HMMR: variants seen among roughly 807,000 people sequenced by gnomAD.
The protein encoded by HMMR is hyaluronan mediated motility receptor.
In HMMR, 108 loss-of-function variants were observed where a neutral mutation model predicts 101.0. The observed-to-expected ratio is 1.07, with a 90% CI of 0.92 to 1.25. The LOEUF (loss-of-function observed/expected upper bound fraction) is 1.25. Ranked by LOEUF, HMMR falls within the 50% of genes most tolerant of loss-of-function variation. The pLI is 0.00. For synonymous variants in HMMR, 296 were observed against 276.4 expected (o/e 1.07, Z -0.70); for missense variants, 813 against 788.7 (o/e 1.03, Z -0.37).
intron 11 of HMMR, among the ~76,000 whole-genome samples, chr5:163,477,951 A>C (rs1321189842): frequency 6.6e-6 from 1 of 152,156 alleles, no homozygotes; most frequent in Non-Finnish European, 1.5e-5. Context: ...TTACAGAATG[A>C]ATTTGATCAG....
At chr5:163,487,290 T>G (rs1365220135) in intron 16 of HMMR, among the ~76,000 whole-genome samples, 9 of 152,178 alleles carry the variant, frequency 5.9e-5, no homozygotes, top group African/African-American at 2.2e-4. Flanking sequence ...TAAATCTCAC[T>G]TGGTTATGGC....
Position 163,464,773 on chromosome 5 carries a change from G to A in HMMR, c.196G>A (p.Ala66Thr). The change falls in exon 3 of 18, where the codon GCT (alanine) becomes ACT (threonine). Residue 66 changes from alanine to threonine, a missense_variant. Coordinates refer to ENST00000393915, the MANE Select transcript of HMMR (RefSeq NM_001142556.2). ...VDKDTTLPAS[A>T]RKVKSSESKK... ...CAAAGATACTACCTTGCCTGCTTCA[G>A]CTAGAAAAGTTAAGTCTTCGGAATC... 6.2e-7 allele frequency: 1 copy of A among 1,612,998 alleles called. No homozygotes were observed. The highest frequency in any genetic ancestry group is 2.2e-5 in the East Asian group (1 of 44,864).
intron 16 of HMMR, among the ~76,000 whole-genome samples, chr5:163,486,856 A>C (rs768671213): frequency 7.9e-5 from 12 of 152,244 alleles, no homozygotes; most frequent in African/African-American, 2.2e-4. Context: ...AGGCAGGTGG[A>C]TCACCTGAGG....
chr5:163,480,547 A>G (rs1314651865), intron 12 of HMMR, among the ~76,000 whole-genome samples: 7 of 152,290 alleles, frequency 4.6e-5, no homozygotes, highest in African/African-American at 1.4e-4. Flanking sequence ...GTATGTAAGA[A>G]TTTCTCTAAA....
intron 3 of HMMR, among the ~76,000 whole-genome samples, chr5:163,467,038 G>T (rs1428931192): frequency 6.6e-6 from 1 of 152,096 alleles, no homozygotes; most frequent in East Asian, 1.9e-4. Context: ...AAATTTCATG[G>T]AGTGTGAAAT....
chr5:163,488,773 C>T (rs1759572943), intron 16 of HMMR, among the ~76,000 whole-genome samples: 1 of 152,224 alleles, frequency 6.6e-6, no homozygotes, highest in Non-Finnish European at 1.5e-5. Context: ...ATAAACTAAT[C>T]CAATCAAATT....
intron 1 of HMMR, 36 bp from the exon 2 acceptor site, chr5:163,463,820 A>T: frequency 1.3e-6 from 1 of 799,144 alleles, no homozygotes; most frequent in Non-Finnish European, 1.9e-6. Context: ...CATAAGTAAC[A>T]TTAGATAATA....
rs1011859872 is a variant in HMMR, at chr5:163,464,622, C to T, written c.146-101C>T. Reference sequence around the variant, plus strand: ...GTGAGACTGTCTCAAAAAACAAAAACAAACAAAAAGAGAAAGACAAAAAAA... The same window carrying T: ...GTGAGACTGTCTCAAAAAACAAAAATAAACAAAAAGAGAAAGACAAAAAAA... On this transcript the variant is annotated intron_variant, in intron 2 of 17. Transcript: ENST00000393915. 10 of 810,028 alleles carry T rather than the reference C, an allele frequency of 1.2e-5. No individual in the cohort carries two copies. In the African/African-American group the frequency reaches 1.6e-4, roughly 13 times the overall value. 50.2% of individuals were successfully genotyped at this position (810,028 alleles called of 1,614,324 possible).
chr5:163,471,562 AG>A (rs1463744403), intron 7 of HMMR, 99 bp downstream of exon 7: 12 of 718,428 alleles, frequency 1.7e-5, no homozygotes, highest in South Asian at 1.6e-4. Flanking sequence ...ACCTTCTGTT[AG>A]TACTTATCTC....
In HMMR at chr5:163,469,636, T is replaced by C; in HGVS notation, c.274-5T>C. 8.1e-6 allele frequency: 13 copies of C among 1,606,276 alleles called. No individual in the cohort carries two copies. Among genetic ancestry groups the C allele is most frequent in the Non-Finnish European group, 1.0e-5 (12 of 1,177,474 alleles). On this transcript the variant is annotated splice_polypyrimidine_tract_variant and splice_region_variant and intron_variant, in intron 4 of 17. Transcript: ENST00000393915. ...ATCATTTATTATCACCTTGTTTTTGTCCAGATTCGTGTTCTTCTACAGGAA... is the reference window on the plus strand; with the variant it reads ...ATCATTTATTATCACCTTGTTTTTGCCCAGATTCGTGTTCTTCTACAGGAA...
chr5:163,468,432 A>G (rs1758768347), intron 4 of HMMR, among the ~76,000 whole-genome samples: 1 of 152,226 alleles, frequency 6.6e-6, no homozygotes, highest in African/African-American at 2.4e-5. Context: ...AGCAATGCTA[A>G]GCAGCTCACT....
chr5:163,462,817 G>A (rs1432399496), intron 1 of HMMR, among the ~76,000 whole-genome samples: 1 of 93,850 alleles, frequency 1.1e-5, no homozygotes, highest in Admixed American at 1.8e-4. Flanking sequence ...AACAGAGCAA[G>A]ACTCCGTCTC....
intron 16 of HMMR, among the ~76,000 whole-genome samples, chr5:163,487,421 A>C (rs1248585063): frequency 5.3e-5 from 8 of 151,930 alleles, no homozygotes; most frequent in Non-Finnish European, 1.0e-4. Flanking sequence ...TTTTGGTATC[A>C]GGGTAATGGT....
chr5:163,483,196 T>C lies in HMMR; in HGVS notation c.1685+24T>C, dbSNP rs200426791. ...AGGTAATCTATGATTAGAACCTGAG[T>C]GCCTTGTTAACTCAGTTACGATGTG... On this transcript the variant is annotated intron_variant, in intron 14 of 17. Coordinates refer to ENST00000393915, the MANE Select transcript of HMMR (RefSeq NM_001142556.2). The C allele has an allele frequency of 1.1e-5, 18 of 1,603,922 alleles. No individual in the cohort carries two copies. In the Admixed American group the frequency reaches 2.0e-4, roughly 18 times the overall value.
intron 11 of HMMR, among the ~76,000 whole-genome samples, chr5:163,476,895 G>A (rs536988960): frequency 1.8e-4 from 28 of 152,168 alleles, no homozygotes; most frequent in South Asian, 8.3e-4. Flanking sequence ...GCCTGGCATC[G>A]TGGCGCACGC....
intron 4 of HMMR, among the ~76,000 whole-genome samples, chr5:163,468,156 G>C (rs762114473): frequency 3.9e-5 from 6 of 152,302 alleles, no homozygotes; most frequent in African/African-American, 1.4e-4. Flanking sequence ...ATGAAGTTAG[G>C]CTAACTCGAT....
intron 3 of HMMR, among the ~76,000 whole-genome samples, chr5:163,465,723 C>A (rs1022997243): frequency 6.6e-6 from 1 of 151,872 alleles, no homozygotes; most frequent in African/African-American, 2.4e-5. Flanking sequence ...CTTTGGGAGG[C>A]AAGGCAGGTG....
intron 17 of HMMR, 84 bp downstream of exon 17, chr5:163,490,636 CTG>C: frequency 9.3e-7 from 1 of 1,073,614 alleles, no homozygotes; most frequent in East Asian, 2.4e-5. Flanking sequence ...ATTTTATGAA[CTG>C]TGAAAATTTG....
chr5:163,482,614 A>G (rs745709274), intron 12 of HMMR, 28 bp from the exon 13 acceptor site: 1 of 1,539,358 alleles, frequency 6.5e-7, no homozygotes, highest in South Asian at 1.1e-5. Flanking sequence ...TTAGAAAACT[A>G]CTTTGACTTT....
Sources: gnomAD v4.1 joint callset for allele counts (sites outside exome capture counted in the v4.1 genomes callset) on GRCh38, gnomAD v4.1.1 for gene constraint, MANE v1.5 for transcripts, NCBI Gene and HGNC (gene_info 2026-07-23, HGNC 2026-07-21) for gene names.